KHDRBS2: variants seen among roughly 807,000 people sequenced by gnomAD.
KHDRBS2 encodes KH domain-containing, RNA-binding, signal transduction-associated protein 2.
In KHDRBS2, 26 loss-of-function variants were observed where a neutral mutation model predicts 44.3. The observed-to-expected ratio is 0.59, with a 90% CI of 0.43 to 0.81. The LOEUF is 0.81. KHDRBS2 is among the 40% of genes least tolerant of loss of function. The probability of loss-of-function intolerance (pLI) is 0.00; values close to 1 mark genes in which losing one functional copy is unlikely to be tolerated. For synonymous variants in KHDRBS2, 194 were observed against 151.1 expected (o/e 1.28, Z -2.08); for missense variants, 476 against 433.1 (o/e 1.10, Z -0.88).
intron 1 of KHDRBS2, among the ~76,000 whole-genome samples, chr6:62,269,583 G>A (rs1374186719): frequency 5.3e-5 from 8 of 152,036 alleles, no homozygotes; most frequent in Admixed American, 3.9e-4. Context: ...GACTGAGAAC[G>A]TCAAATGTTG....
chr6:61,979,914 ATTCCCATTCAG>A (rs918228104), intron 3 of KHDRBS2, among the ~76,000 whole-genome samples: 4 of 152,032 alleles, frequency 2.6e-5, no homozygotes, highest in African/African-American at 9.7e-5. Flanking sequence ...TCCTATGTTG[ATTCCCATTCAG>A]TTATTTTTGT....
chr6:61,901,822 G>A (rs963221682), intron 4 of KHDRBS2, among the ~76,000 whole-genome samples: 8 of 152,106 alleles, frequency 5.3e-5, no homozygotes, highest in Non-Finnish European at 2.9e-5. Flanking sequence ...AATCCCAAGG[G>A]CTCAGAGTAG....
At chr6:61,973,053 G>C (rs965183150) in intron 4 of KHDRBS2, among the ~76,000 whole-genome samples, 3 of 152,124 alleles carry the variant, frequency 2.0e-5, no homozygotes, top group Admixed American at 6.6e-5. Context: ...AGAATCACTT[G>C]AACCTGGGAG....
At chr6:61,560,734 T>C in the KHDRBS2 span, among the ~76,000 whole-genome samples, 1 of 152,176 alleles carries the variant, frequency 6.6e-6, no homozygotes, top group Non-Finnish European at 1.5e-5. Context: ...ATCTCGAATT[T>C]CATTAAGTTT....
intron 3 of KHDRBS2, among the ~76,000 whole-genome samples, chr6:61,997,489 C>T (rs1376150923): frequency 2.6e-5 from 4 of 152,154 alleles, no homozygotes; most frequent in African/African-American, 9.7e-5. Flanking sequence ...TCAAGTTTAA[C>T]TATACCAGTT....
the KHDRBS2 span, among the ~76,000 whole-genome samples, chr6:61,648,446 T>C: frequency 6.6e-6 from 1 of 152,178 alleles, no homozygotes; most frequent in Non-Finnish European, 1.5e-5. Context: ...TACATTATCA[T>C]CATGAGCCTT....
chr6:62,273,052 G>A (rs1431661745), intron 1 of KHDRBS2, among the ~76,000 whole-genome samples: 1 of 152,102 alleles, frequency 6.6e-6, no homozygotes, highest in African/African-American at 2.4e-5. Context: ...AGAATAACAT[G>A]GGTCTTTAAT....
In KHDRBS2 at chr6:61,955,733, C is replaced by CACTA. The variant is rs1389876048; in HGVS notation, c.483+22332_483+22333insTAGT. 8.2e-4 allele frequency among the ~76,000 whole-genome samples: 3 copies of CACTA among 3,640 alleles called. No homozygotes were observed. The South Asian group carries it at 0.031, about 38-fold the overall frequency. The allele number at this position is 3,640 out of a possible 152,430, so 2.4% of individuals were successfully genotyped here. ...ACATATGTATGTATACATATATAGA[C>CACTA]AGAGAGAGAGGTAGACAGACAGAGA... On this transcript the variant is annotated intron_variant, in intron 4 of 8. Transcript: ENST00000281156.
Position 62,026,373 on chromosome 6 carries a change from C to A in KHDRBS2, c.336+21505G>T, listed in dbSNP as rs1783306248. On this transcript the variant is annotated intron_variant, in intron 3 of 8. Transcript: ENST00000281156. ...AGGTTACTGATCATATAAGGATTTT[C>A]TTTTCTTTCTTTCCTTCTTTAACTA... Among the ~76,000 whole-genome samples the A allele has an allele frequency of 2.0e-5, 3 of 150,136 alleles. No individual in the cohort carries two copies. In the South Asian group the frequency reaches 6.3e-4, roughly 31 times the overall value.
At chr6:62,146,299 C>G (rs1468272013) in intron 2 of KHDRBS2, among the ~76,000 whole-genome samples, 1 of 151,840 alleles carries the variant, frequency 6.6e-6, no homozygotes, top group Non-Finnish European at 1.5e-5. Context: ...TCCATAATCT[C>G]TCTCCAAGGT....
intron 4 of KHDRBS2, among the ~76,000 whole-genome samples, chr6:61,941,518 C>T (rs1812123785): frequency 6.6e-6 from 1 of 152,130 alleles, no homozygotes; most frequent in Non-Finnish European, 1.5e-5. Context: ...CAAAGACAGA[C>T]ATGCTTAACC....
rs527373649 is a variant in KHDRBS2, at chr6:61,995,097, G to A, written c.337-16885C>T. Reference sequence around the variant, plus strand: ...ACAATAAAGGGTTCATTTTTCCTGCGTTTGAACCCTTTATCATGGCCTACA... The same window carrying A: ...ACAATAAAGGGTTCATTTTTCCTGCATTTGAACCCTTTATCATGGCCTACA... On this transcript the variant is annotated intron_variant, in intron 3 of 8. Coordinates refer to ENST00000281156, the MANE Select transcript of KHDRBS2 (RefSeq NM_152688.4). Among the ~76,000 whole-genome samples the A allele has an allele frequency of 1.6e-3, 238 of 152,044 alleles. 5 individuals carry two copies. The South Asian group carries it at 0.044, about 28-fold the overall frequency.
chr6:61,779,935 A>G (rs957101597), intron 6 of KHDRBS2, among the ~76,000 whole-genome samples: 6 of 105,420 alleles, frequency 5.7e-5, no homozygotes, highest in Admixed American at 3.8e-4. Context: ...CAAAATACTG[A>G]AAAAAAAAAC....
intron 1 of KHDRBS2, among the ~76,000 whole-genome samples, chr6:62,273,822 C>T (rs1840475381): frequency 6.6e-6 from 1 of 152,172 alleles, no homozygotes; most frequent in Non-Finnish European, 1.5e-5. Context: ...ATAAATATCT[C>T]AGTAACTGAC....
chr6:61,601,088 C>G, the KHDRBS2 span, among the ~76,000 whole-genome samples: 1 of 152,112 alleles, frequency 6.6e-6, no homozygotes. Context: ...CCCACATTCC[C>G]TTGGTGGCAA....
intron 6 of KHDRBS2, among the ~76,000 whole-genome samples, chr6:61,844,142 C>T (rs1794024127): frequency 6.6e-6 from 1 of 152,022 alleles, no homozygotes; most frequent in Non-Finnish European, 1.5e-5. Context: ...ACCTCCCAGG[C>T]AAAAATAAAT....
At chr6:61,596,940 G>T in the KHDRBS2 span, among the ~76,000 whole-genome samples, 1 of 152,026 alleles carries the variant, frequency 6.6e-6, no homozygotes. Flanking sequence ...GTGAGCCACC[G>T]TGCCCAGCCA....
At chr6:62,151,566 G>A (rs1187345583) in intron 2 of KHDRBS2, among the ~76,000 whole-genome samples, 1 of 152,030 alleles carries the variant, frequency 6.6e-6, no homozygotes, top group Non-Finnish European at 1.5e-5. Context: ...ATCTTCTCCA[G>A]GCCTATATAA....
At chr6:61,908,717 A>T (rs1446925206) in intron 4 of KHDRBS2, among the ~76,000 whole-genome samples, 2 of 152,126 alleles carry the variant, frequency 1.3e-5, no homozygotes, top group African/African-American at 4.8e-5. Context: ...GAATAGTACA[A>T]AATTTAAATA....
Sources: gnomAD v4.1 joint callset for allele counts (sites outside exome capture counted in the v4.1 genomes callset) on GRCh38, gnomAD v4.1.1 for gene constraint, MANE v1.5 for transcripts, NCBI Gene and HGNC (gene_info 2026-07-23, HGNC 2026-07-21) for gene names.